ZW10: variants seen among roughly 807,000 people sequenced by gnomAD.
ZW10 encodes the protein centromere/kinetochore protein zw10 homolog.
A neutral mutation model predicts 87.8 loss-of-function variants in ZW10; 53 were observed. The observed-to-expected ratio is 0.60, with a 90% CI of 0.48 to 0.76. The LOEUF is 0.76. ZW10 is among the 30% of genes least tolerant of loss of function. The pLI, the probability that ZW10 is intolerant of heterozygous loss-of-function variation, is 0.00. For synonymous variants in ZW10, 312 were observed against 329.2 expected, an observed-to-expected ratio of 0.95 and a Z score of 0.57; for missense variants, 837 against 923.0, an observed-to-expected ratio of 0.91 and a Z score of 1.21.
rs771967314 is a variant in ZW10, at chr11:113,739,278, A to G, written c.1688T>C (p.Leu563Pro). 2 of 1,614,084 alleles carry G rather than the reference A, an allele frequency of 1.2e-6. No homozygotes were observed. The highest frequency in any genetic ancestry group is 4.5e-5 in the East Asian group (2 of 44,878). Residue 563 changes from leucine (L) to proline (P), a missense_variant, in exon 12 of 16, where the codon CTT becomes CCT. Leu to Pro is a moderately conservative substitution (Grantham distance 98). Coordinates refer to ENST00000200135, the MANE Select transcript of ZW10 (RefSeq NM_004724.4). ...AGTGCCATCACAAAGAATGGGGGCA[A>G]GACGCAATCTGAACTGATGCCCGAG... ...LTLGHQFRLR[L>P]APILCDGTAT...
chr11:113,748,800 G>A (rs142477836), intron 7 of ZW10, among the ~76,000 whole-genome samples: 16 of 152,000 alleles, frequency 1.1e-4, no homozygotes, highest in East Asian at 7.7e-4. Context: ...TACTTTTTTC[G>A]TCTCTGCATA....
Position 113,757,827 on chromosome 11 carries a change from T to G in ZW10, c.760A>C (p.Arg254=). 6.2e-7 allele frequency: 1 copy of G among 1,609,638 alleles called. No homozygotes were observed. Among genetic ancestry groups the G allele is most frequent in the South Asian group, 1.1e-5 (1 of 90,486 alleles). The change falls in exon 7 of 16, where the codon AGG becomes CGG. Residue 254 remains arginine (R), a synonymous_variant. Coordinates refer to ENST00000200135, the MANE Select transcript of ZW10 (RefSeq NM_004724.4). The part of the protein sequence containing the change: ...FGQMLLKYIL[R]PLASCPSLHA... Reference sequence around the variant, plus strand: ...AGGGATGGGCAAGATGCCAGCGGCCTAAGGATATACTTCAGCAGCATCTGA... The same window carrying G: ...AGGGATGGGCAAGATGCCAGCGGCCGAAGGATATACTTCAGCAGCATCTGA...
intron 7 of ZW10, among the ~76,000 whole-genome samples, chr11:113,748,772 T>A (rs1204156482): frequency 6.6e-6 from 1 of 152,230 alleles, no homozygotes; most frequent in Non-Finnish European, 1.5e-5. Context: ...ATCTCACTTA[T>A]TTAATAATGA....
intron 9 of ZW10, among the ~76,000 whole-genome samples, chr11:113,744,572 C>G (rs901134902): frequency 6.6e-6 from 1 of 151,908 alleles, no homozygotes; most frequent in East Asian, 1.9e-4. Context: ...TCCCTTAATC[C>G]CCTTTACTGT....
chr11:113,763,806 G>T (rs1010369922), intron 2 of ZW10, among the ~76,000 whole-genome samples: 8 of 152,152 alleles, frequency 5.3e-5, no homozygotes, highest in African/African-American at 1.7e-4. Flanking sequence ...CCATTCTGTA[G>T]ATTGCCTGTT....
intron 11 of ZW10, among the ~76,000 whole-genome samples, chr11:113,740,466 C>A (rs1266526158): frequency 6.6e-6 from 1 of 151,944 alleles, no homozygotes; most frequent in African/African-American, 2.4e-5. Flanking sequence ...TGCCTGTGGT[C>A]CCAGCTACTT....
At chr11:113,752,544 A>G (rs1187292613) in intron 7 of ZW10, among the ~76,000 whole-genome samples, 1 of 152,216 alleles carries the variant, frequency 6.6e-6, no homozygotes, top group East Asian at 1.9e-4. Context: ...CTCACTTCAT[A>G]TATCTGTGTC....
chr11:113,740,672 A>T (rs1953605644), intron 11 of ZW10, among the ~76,000 whole-genome samples: 1 of 152,240 alleles, frequency 6.6e-6, no homozygotes, highest in South Asian at 2.1e-4. Context: ...TTATCTAAGG[A>T]CAGTGGTTCT....
intron 10 of ZW10, among the ~76,000 whole-genome samples, chr11:113,743,574 T>A (rs1953646690): frequency 6.6e-6 from 1 of 152,198 alleles, no homozygotes; most frequent in Admixed American, 6.5e-5. Context: ...TGCACCTACT[T>A]CCTACACCTT....
chr11:113,762,276 C>T (rs780386914), intron 2 of ZW10, among the ~76,000 whole-genome samples: 1 of 152,002 alleles, frequency 6.6e-6, no homozygotes, highest in Non-Finnish European at 1.5e-5. Flanking sequence ...AGTAAAAATA[C>T]AGCATAAAAA....
chr11:113,758,402 G>T, intron 6 of ZW10, 152 bp downstream of exon 6: 1 of 573,910 alleles, frequency 1.7e-6, no homozygotes, highest in Non-Finnish European at 2.6e-6. Context: ...TTAATAAAAG[G>T]GATAATATTT....
chr11:113,744,016 C>T lies in ZW10; in HGVS notation c.1297G>A (p.Val433Met), dbSNP rs375315647. 4.7e-5 allele frequency: 76 copies of T among 1,612,770 alleles called. No individual in the cohort carries two copies. The highest frequency in any genetic ancestry group is 5.8e-5 in the Non-Finnish European group (68 of 1,178,974). The change falls in exon 10 of 16, where the codon GTG becomes ATG. Residue 433 changes from valine to methionine, a missense_variant. Val to Met is a conservative substitution (Grantham distance 21, BLOSUM62 1). Transcript: ENST00000200135. ...TCATCAGGAGTGGGTAACTCTGGCA[C>T]ATTTATCTTAGAATCAGGAATAATC... ...VKIIPDSKINVPELPTPDEDN... is the reference protein window; with the variant it reads ...VKIIPDSKINMPELPTPDEDN...
At chr11:113,765,949 AT>A (rs1953903544) in intron 2 of ZW10, among the ~76,000 whole-genome samples, 1 of 152,178 alleles carries the variant, frequency 6.6e-6, no homozygotes, top group Non-Finnish European at 1.5e-5. Flanking sequence ...ATATAAAGCA[AT>A]CTACTGCACA....
intron 3 of ZW10, 100 bp from the exon 4 acceptor site, chr11:113,760,690 CTA>C: frequency 1.0e-6 from 1 of 979,390 alleles, no homozygotes; most frequent in Non-Finnish European, 1.5e-6. Flanking sequence ...CCTCCCCCCT[CTA>C]AAAAAAAAAA....
At position 113,760,545 on chromosome 11, in the gene ZW10, T is replaced by C; in HGVS notation, c.388A>G (p.Lys130Glu). The C allele has an allele frequency of 6.2e-7, 1 of 1,613,968 alleles. No homozygotes were observed. The highest frequency in any genetic ancestry group is 8.5e-7 in the Non-Finnish European group (1 of 1,179,938). ...AGACGCTGAGCACCAGTGACATACT[T>C]CTTCTCTGTTAATGCACAATTATAT... is the stretch of plus-strand genomic sequence containing the variant. ...EEYNCALTEK[K>E]YVTGAQRLEE... Residue 130 changes from lysine (K) to glutamate (E), a missense_variant, in exon 4 of 16, where the codon AAG becomes GAG. Lys to Glu is a moderately conservative substitution (Grantham distance 56). Transcript: ENST00000200135.
chr11:113,765,704 C>T (rs998332586), intron 2 of ZW10, among the ~76,000 whole-genome samples: 3 of 152,194 alleles, frequency 2.0e-5, no homozygotes, highest in Non-Finnish European at 4.4e-5. Context: ...ACTGCCAAAG[C>T]TGCTGCTCTA....
At chr11:113,768,702 T>C (rs895392139) in intron 2 of ZW10, 131 bp downstream of exon 2, 1 of 919,626 alleles carries the variant, frequency 1.1e-6, no homozygotes, top group South Asian at 2.0e-5. Flanking sequence ...CCTACAATCA[T>C]TTAGTTCAAT....
At chr11:113,760,184 G>GCAGTC in intron 5 of ZW10, 25 bp downstream of exon 5, 3 of 1,607,456 alleles carry the variant, frequency 1.9e-6, no homozygotes, top group Non-Finnish European at 8.5e-7. Flanking sequence ...ATGAAGCAAA[G>GCAGTC]CAGTCCACCT....
At position 113,747,703 on chromosome 11, in the gene ZW10, G is replaced by T; in HGVS notation, c.1100C>A (p.Ser367Tyr). The change falls in exon 9 of 16, where the codon TCC (serine) becomes TAC (tyrosine). Residue 367 changes from serine (S) to tyrosine (Y), a missense_variant. Ser to Tyr is a moderately radical substitution (Grantham distance 144). Coordinates refer to ENST00000200135, the MANE Select transcript of ZW10 (RefSeq NM_004724.4). Reference sequence around the variant, plus strand: ...TAGGGCATTTTCAAATTCTTCAGTGGACTGTATGATCTGAGATACAAAAGA... The same window carrying T: ...TAGGGCATTTTCAAATTCTTCAGTGTACTGTATGATCTGAGATACAAAAGA... ...KLQQYEEIIQ[S>Y]TEEFENALKE... is the part of the protein sequence containing the mutation. 6.2e-7 allele frequency: 1 copy of T among 1,606,584 alleles called. No individual in the cohort carries two copies. The highest frequency in any genetic ancestry group is 1.1e-5 in the South Asian group (1 of 90,066).
Sources: allele counts gnomAD v4.1 joint callset (sites outside exome capture counted in the v4.1 genomes callset), GRCh38; gene constraint gnomAD v4.1.1; transcripts MANE v1.5; gene names NCBI Gene and HGNC (gene_info 2026-07-23, HGNC 2026-07-21).